PBX1: variants seen among roughly 807,000 people sequenced by gnomAD.
PBX1 encodes the protein pre-B-cell leukemia transcription factor 1.
In PBX1, 6 loss-of-function variants were observed where a neutral mutation model predicts 53.4. The observed-to-expected ratio is 0.11, with a 90% CI of 0.06 to 0.22. The LOEUF is 0.22. PBX1 is among the 10% of genes least tolerant of loss of function. The probability of loss-of-function intolerance (pLI) is 1.00; values close to 1 mark genes in which losing one functional copy is unlikely to be tolerated. For synonymous variants in PBX1, 204 were observed against 212.3 expected (o/e 0.96, Z 0.34); for missense variants, 251 against 551.4 (o/e 0.46, Z 5.46).
intron 2 of PBX1, among the ~76,000 whole-genome samples, chr1:164,862,870 G>A (rs987071609): frequency 2.0e-5 from 3 of 152,142 alleles, no homozygotes; most frequent in Non-Finnish European, 4.4e-5. Context: ...AGGTAGTTGT[G>A]GATGTATTTA....
At chr1:164,681,535 C>T (rs1001485021) in intron 2 of PBX1, among the ~76,000 whole-genome samples, 10 of 152,180 alleles carry the variant, frequency 6.6e-5, no homozygotes, top group Non-Finnish European at 1.3e-4. Flanking sequence ...TACATCATCA[C>T]AGCTGATTGT....
chr1:164,686,299 C>T (rs764550633), intron 2 of PBX1, among the ~76,000 whole-genome samples: 2 of 152,200 alleles, frequency 1.3e-5, no homozygotes, highest in Non-Finnish European at 2.9e-5. Flanking sequence ...ACTGTTCACC[C>T]ATTTCCCAGT....
At chr1:164,820,920 G>A (rs1670118619) in intron 7 of PBX1, among the ~76,000 whole-genome samples, 1 of 152,140 alleles carries the variant, frequency 6.6e-6, no homozygotes, top group South Asian at 2.1e-4. Context: ...CCCTCCATGT[G>A]GAACAAGAAG....
At chr1:164,732,882 A>G (rs1665074478) in intron 2 of PBX1, among the ~76,000 whole-genome samples, 1 of 151,512 alleles carries the variant, frequency 6.6e-6, no homozygotes, top group South Asian at 2.1e-4. Context: ...CTGAATTCTC[A>G]AAGACAGAAA....
chr1:164,870,215 TTCTTTCC>T (rs1200490723), intron 2 of PBX1, among the ~76,000 whole-genome samples: 21 of 92,874 alleles, frequency 2.3e-4, no homozygotes, highest in South Asian at 7.7e-4. Flanking sequence ...TTTCTTTTCT[TTCTTTCC>T]TTCCTTCCTT....
intron 2 of PBX1, among the ~76,000 whole-genome samples, chr1:164,621,016 G>T (rs1286895896): frequency 6.6e-6 from 1 of 150,520 alleles, no homozygotes; most frequent in East Asian, 2.0e-4. Flanking sequence ...TTGAGATGGA[G>T]TCTTGCTCTG....
intron 3 of PBX1, among the ~76,000 whole-genome samples, chr1:164,793,601 A>G (rs924020422): frequency 6.6e-6 from 1 of 152,092 alleles, no homozygotes; most frequent in Admixed American, 6.5e-5. Flanking sequence ...CCCCCATCCC[A>G]TCCTCCCCAC....
intron 2 of PBX1, among the ~76,000 whole-genome samples, chr1:164,729,010 G>A (rs998504767): frequency 5.3e-5 from 8 of 152,282 alleles, no homozygotes; most frequent in East Asian, 1.9e-4. Flanking sequence ...TGTGTTAGGC[G>A]TTTATACTCT....
At chr1:164,789,548 T>C (rs1046914357) in intron 2 of PBX1, among the ~76,000 whole-genome samples, 2 of 152,158 alleles carry the variant, frequency 1.3e-5, no homozygotes, top group Non-Finnish European at 2.9e-5. Flanking sequence ...GGGGTACCCA[T>C]GTGATTGGAG....
intron 2 of PBX1, among the ~76,000 whole-genome samples, chr1:164,618,749 T>G (rs1657469838): frequency 6.6e-6 from 1 of 152,202 alleles, no homozygotes; most frequent in South Asian, 2.1e-4. Flanking sequence ...ATTTATGAAG[T>G]ACTGAGGCTC....
chr1:164,799,525 A>G (rs1383498630), intron 3 of PBX1, among the ~76,000 whole-genome samples, 174 bp from the exon 4 acceptor site: 2 of 152,146 alleles, frequency 1.3e-5, no homozygotes, highest in Non-Finnish European at 2.9e-5. Flanking sequence ...AAAATTCAAC[A>G]TTATCGCCAA....
chr1:164,705,301 G>A (rs1663366264), intron 2 of PBX1, among the ~76,000 whole-genome samples: 2 of 152,120 alleles, frequency 1.3e-5, no homozygotes, highest in South Asian at 2.1e-4. Context: ...ACATTTTACT[G>A]TAAATAAATA....
intron 2 of PBX1, among the ~76,000 whole-genome samples, chr1:164,861,087 G>T (rs959362010): frequency 2.7e-5 from 4 of 149,732 alleles, no homozygotes; most frequent in Non-Finnish European, 5.9e-5. Context: ...TTTTAAAGGA[G>T]AAATGTTAAG....
chr1:164,699,996 G>C (rs1168495082), intron 2 of PBX1, among the ~76,000 whole-genome samples: 1 of 152,298 alleles, frequency 6.6e-6, no homozygotes, highest in South Asian at 2.1e-4. Flanking sequence ...TTAATACTGA[G>C]AGCCAGGGTG....
intron 2 of PBX1, among the ~76,000 whole-genome samples, chr1:164,749,181 A>G (rs560849393): frequency 6.6e-6 from 1 of 152,220 alleles, no homozygotes; most frequent in Non-Finnish European, 1.5e-5. Context: ...AACTCATTGC[A>G]TTTTTAGTAA....
intron 2 of PBX1, chr1:164,564,005 G>A (rs1653253377): frequency 6.6e-6 from 1 of 152,104 alleles, no homozygotes; most frequent in South Asian, 2.1e-4. Context: ...TTAAAAAATA[G>A]CAGTCATCAA....
intron 2 of PBX1, among the ~76,000 whole-genome samples, chr1:164,694,674 C>G (rs1301501271): frequency 6.6e-6 from 1 of 152,202 alleles, no homozygotes; most frequent in Admixed American, 6.5e-5. Context: ...AATCTAGAAA[C>G]CTAATATTTG....
intron 2 of PBX1, among the ~76,000 whole-genome samples, chr1:164,730,588 G>A (rs1664925221): frequency 6.6e-6 from 1 of 152,060 alleles, no homozygotes; most frequent in African/African-American, 2.4e-5. Flanking sequence ...CTCAAAGAAA[G>A]ATTTTACTAA....
chr1:164,820,110 T>G lies in PBX1; in HGVS notation c.1036T>G (p.Leu346Val). 1 of 1,613,692 alleles carries G rather than the reference T, an allele frequency of 6.2e-7. No homozygotes were observed. Among genetic ancestry groups the G allele is most frequent in the Non-Finnish European group, 8.5e-7 (1 of 1,179,722 alleles). The change falls in exon 7 of 9, where the codon TTG (leucine) becomes GTG (valine). Residue 346 changes from leucine (L) to valine (V), a missense_variant. Transcript: ENST00000420696. ...TTTTAACATGTCAAACTCTGGAGAT[T>G]TGTTCATGAGCGTGCAGTCACTCAA... ...SSFNMSNSGD[L>V]FMSVQSLNGD...
Sources: gnomAD v4.1 joint callset for allele counts (sites outside exome capture counted in the v4.1 genomes callset) on GRCh38, gnomAD v4.1.1 for gene constraint, MANE v1.5 for transcripts, NCBI Gene and HGNC (gene_info 2026-07-23, HGNC 2026-07-21) for gene names.